TRANK1: variants seen among roughly 807,000 people sequenced by gnomAD.
TRANK1 encodes tetratricopeptide repeat and ankyrin repeat containing 1, also known as TPR and ankyrin repeat-containing protein 1.
TRANK1 carries 198 observed loss-of-function variants against 266.0 expected under a neutral mutation model. That is an observed-to-expected ratio of 0.74 (90% CI 0.66 to 0.84). The LOEUF is 0.84. Among genes scored for constraint, TRANK1 ranks in the 40% least tolerant of loss-of-function variants. TRANK1 has a pLI of 0.00. For missense variants in TRANK1, 3,326 were observed against 3,634.6 expected, an observed-to-expected ratio of 0.92 and a Z score of 2.18; for synonymous variants, 1,396 against 1,384.1, an observed-to-expected ratio of 1.01 and a Z score of -0.19.
At position 36,831,653 on chromosome 3, in the gene TRANK1, T is replaced by TTAGG; in HGVS notation, c.7926_7929dup (p.Met2644ProfsTer5). 6.2e-7 allele frequency: 1 copy of TTAGG among 1,613,900 alleles called. No homozygotes were observed. The highest frequency in any genetic ancestry group is 8.5e-7 in the Non-Finnish European group (1 of 1,179,858). ...GGGTCCCACCGCCAGTCACAGTCCA[T>TTAGG]TAGGTACTCTTCATCCCGCTCAAAG... On this transcript the variant is annotated frameshift_variant, in exon 22 of 24. Transcript: ENST00000645898. LOFTEE classifies it high-confidence loss of function. The surrounding 1 kb of genome is among the most constrained non-coding windows in gnomAD (Gnocchi z 5.0).
Position 36,913,392 on chromosome 3 carries a change from T to C in TRANK1, c.24-4938A>G, listed in dbSNP as rs545939631. Among the ~76,000 whole-genome samples the C allele has an allele frequency of 8.6e-5, 12 of 138,858 alleles. No individual in the cohort carries two copies. In the East Asian group the frequency reaches 2.2e-3, roughly 25 times the overall value. The allele number at this position is 138,858 out of a possible 152,430, so 91.1% of individuals were successfully genotyped here. A position where few individuals can be genotyped will look rare whatever the true frequency, so the allele number is the denominator to read the frequency against. Reference sequence around the variant, plus strand: ...TATCTATCTTTCTTTCTTGCCTGTTTGCTTGCTTGCTTGCTTGCTTGCTCA... The same window carrying C: ...TATCTATCTTTCTTTCTTGCCTGTTCGCTTGCTTGCTTGCTTGCTTGCTCA... On this transcript the variant is annotated intron_variant, in intron 1 of 23. Coordinates refer to ENST00000645898, the MANE Select transcript of TRANK1 (RefSeq NM_001329998.2).
chr3:36,857,370 A>T lies in TRANK1; in HGVS notation c.2352T>A (p.Ser784Arg), dbSNP rs770698800. Reference protein sequence around the residue: ...PTLGAGAPDCSEVGEGHAQVG... With the variant: ...PTLGAGAPDCREVGEGHAQVG... ...CCTGAGCATGTCCTTCCCCCACCTC[A>T]CTACAGTCAGGGGCCCCTGCACCCA... Residue 784 changes from serine to arginine, a missense_variant, in exon 13 of 24, where the codon AGT becomes AGA. Coordinates refer to ENST00000645898, the MANE Select transcript of TRANK1 (RefSeq NM_001329998.2). This position sits in a 1 kb window ranked among gnomAD's most constrained non-coding sequence, Gnocchi z 4.3. 1 of 1,608,112 alleles carries T rather than the reference A, an allele frequency of 6.2e-7. No homozygotes were observed. Among genetic ancestry groups the T allele is most frequent in the South Asian group, 1.1e-5 (1 of 89,992 alleles).
intron 1 of TRANK1, among the ~76,000 whole-genome samples, chr3:36,939,124 G>C (rs963534446): frequency 6.6e-6 from 1 of 151,506 alleles, no homozygotes; most frequent in Admixed American, 6.6e-5. Flanking sequence ...GCAACAGAGC[G>C]AAACCCTGTC....
intron 13 of TRANK1, among the ~76,000 whole-genome samples, chr3:36,853,432 A>G (rs1366798863): frequency 6.6e-6 from 1 of 152,214 alleles, no homozygotes; most frequent in Admixed American, 6.5e-5. Context: ...ACTATCCAAT[A>G]CTGTTGTTAT....
At chr3:36,852,472 C>A (rs1023552216) in intron 13 of TRANK1, 127 bp from the exon 14 acceptor site, 2 of 859,394 alleles carry the variant, frequency 2.3e-6, no homozygotes, top group African/African-American at 3.4e-5. Context: ...TAATTGCAAG[C>A]CCGTTTTCAG....
At position 36,839,418 on chromosome 3, in the gene TRANK1, C is replaced by G. The variant is rs186892004; in HGVS notation, c.5281-702G>C. Among the ~76,000 whole-genome samples, 8 of 152,322 alleles carry G rather than the reference C, an allele frequency of 5.3e-5. No individual in the cohort carries two copies. The East Asian group carries it at 1.5e-3, about 29-fold the overall frequency. On this transcript the variant is annotated intron_variant, in intron 18 of 23. Transcript: ENST00000645898. ...TGCCCAGCATGTACACATTAGGTCT[C>G]AGTGTGGGCAAGGGAGGGACTAAGT...
intron 9 of TRANK1, among the ~76,000 whole-genome samples, chr3:36,870,068 C>T (rs1353105282): frequency 1.3e-5 from 2 of 152,202 alleles, no homozygotes; most frequent in Non-Finnish European, 2.9e-5. Context: ...ATTCAAAGAT[C>T]ATCACCTATA....
chr3:36,828,766 C>A (rs2078659038), intron 23 of TRANK1, among the ~76,000 whole-genome samples: 2 of 152,142 alleles, frequency 1.3e-5, no homozygotes, highest in African/African-American at 2.4e-5. Context: ...ATAAACTCAA[C>A]CATACACTTG....
rs1448610382 is a variant in TRANK1, at chr3:36,874,240, C to A, written c.964G>T (p.Asp322Tyr). Residue 322 changes from aspartate (D) to tyrosine (Y), a missense_variant, in exon 9 of 24, where the codon GAT becomes TAT. Asp to Tyr is a radical substitution (Grantham distance 160). Transcript: ENST00000645898. ...LRFGADPTLL[D>Y]RQSRSVVDVL... The stretch of plus-strand genomic sequence containing the variant: ...TCCACAACAGACCGAGACTGTCGAT[C>A]CAGCAAAGTGGGATCTGCCCCAAAG... The A allele has an allele frequency of 6.5e-7, 1 of 1,537,186 alleles. No individual in the cohort carries two copies.
chr3:36,855,154 A>C lies in TRANK1; in HGVS notation c.4549+19T>G. 1 of 1,586,326 alleles carries C rather than the reference A, an allele frequency of 6.3e-7. No homozygotes were observed. Among genetic ancestry groups the C allele is most frequent in the Non-Finnish European group, 8.6e-7 (1 of 1,162,370 alleles). On this transcript the variant is annotated intron_variant, in intron 13 of 23. Transcript: ENST00000645898. ...GTGCCTAAGCACCCCCAGTAGGCAA[A>C]CCCAAGAGCTGGACTTACCTGAGTG...
At position 36,838,775 on chromosome 3, in the gene TRANK1, C is replaced by T. The variant is rs373157758; in HGVS notation, c.5281-59G>A. 63 of 1,512,378 alleles carry T rather than the reference C, an allele frequency of 4.2e-5. No individual in the cohort carries two copies. The Middle Eastern group carries it at 1.9e-3, about 45-fold the overall frequency. 93.7% of individuals were successfully genotyped at this position (1,512,378 alleles called of 1,614,324 possible). ...GTAATGGAGGTAACAGACAGAACAA[C>T]GGTTAAAGCATGCATTATAAGTTTG... On this transcript the variant is annotated intron_variant, in intron 18 of 23. Transcript: ENST00000645898.
Position 36,855,424 on chromosome 3 carries a change from T to C in TRANK1, c.4298A>G (p.Glu1433Gly). 6.2e-7 allele frequency: 1 copy of C among 1,613,976 alleles called. No individual in the cohort carries two copies. Among genetic ancestry groups the C allele is most frequent in the Non-Finnish European group, 8.5e-7 (1 of 1,179,880 alleles). The change falls in exon 13 of 24, where the codon GAG (glutamate) becomes GGG (glycine). Residue 1433 changes from glutamate to glycine, a missense_variant. Glu to Gly is a moderately conservative substitution (Grantham distance 98, BLOSUM62 -2). Coordinates refer to ENST00000645898, the MANE Select transcript of TRANK1 (RefSeq NM_001329998.2). ...KLRVLPWSIH[E>G]LYGDEIQDFT... ...GTCTTGAATCTCATCACCATAGAGCTCGTGGATGGACCATGGGAGCACCCT... is the reference window on the plus strand; with the variant it reads ...GTCTTGAATCTCATCACCATAGAGCCCGTGGATGGACCATGGGAGCACCCT...
chr3:36,892,426 T>C lies in TRANK1; in HGVS notation c.637-86A>G, dbSNP rs2079714213. ...ACTCCTTTACCCATAAAGTATGGAATCAGTAAAACTTGGATTAGCTGTGGT... is the reference window on the plus strand; with the variant it reads ...ACTCCTTTACCCATAAAGTATGGAACCAGTAAAACTTGGATTAGCTGTGGT... On this transcript the variant is annotated intron_variant, in intron 6 of 23. Coordinates refer to ENST00000645898, the MANE Select transcript of TRANK1 (RefSeq NM_001329998.2). 2.7e-6 allele frequency: 4 copies of C among 1,465,446 alleles called. No homozygotes were observed. In the South Asian group the frequency reaches 5.3e-5, roughly 19 times the overall value. 90.8% of individuals were successfully genotyped at this position (1,465,446 alleles called of 1,614,324 possible). A position where few individuals can be genotyped will look rare whatever the true frequency, so the allele number is the denominator to read the frequency against.
rs1297184417 is a variant in TRANK1, at chr3:36,828,119, A to G, written c.*156T>C. ...GGAGCAATCAGATCCTAAGCCACTG[A>G]AAGAGAAGTAATGAGAATAAAAAGC... On this transcript the variant is annotated 3_prime_UTR_variant, in exon 24 of 24. Coordinates refer to ENST00000645898, the MANE Select transcript of TRANK1 (RefSeq NM_001329998.2). 6 of 609,878 alleles carry G rather than the reference A, an allele frequency of 9.8e-6. No homozygotes were observed. The Admixed American group carries it at 1.7e-4, about 17-fold the overall frequency. The allele number at this position is 609,878 out of a possible 1,614,324, so 37.8% of individuals were successfully genotyped here.
rs1464054748 is a variant in TRANK1, at chr3:36,857,146, ATT to A, written c.2574_2575del (p.Lys858AsnfsTer34). Reference sequence around the variant, plus strand: ...TCCCAGCTGCTGAATGGCAAGGATGATTTTCTTCTTGATGACCTTGGTCATTA... The same window carrying A: ...TCCCAGCTGCTGAATGGCAAGGATGATTCTTCTTGATGACCTTGGTCATTA... On this transcript the variant is annotated frameshift_variant, in exon 13 of 24. Transcript: ENST00000645898. LOFTEE classifies it high-confidence loss of function. The surrounding 1 kb of genome is among the most constrained non-coding windows in gnomAD (Gnocchi z 4.3). The A allele has an allele frequency of 6.2e-7, 1 of 1,613,674 alleles. No individual in the cohort carries two copies. Among genetic ancestry groups the A allele is most frequent in the Non-Finnish European group, 8.5e-7 (1 of 1,179,858 alleles).
rs1370136538 is a variant in TRANK1 at position 36,833,668 on chromosome 3, T to G, written c.5915A>C (p.His1972Pro). The part of the protein sequence containing the change: ...REEAALLMKQ[H>P]GCLLEAARLT... ...CCTGGCAGCCTCCAGGAGGCAGCCA[T>G]GTTGCTTCATCAGCAGGGCAGCCTC... The change falls in exon 22 of 24, where the codon CAT becomes CCT. Residue 1972 changes from histidine (H) to proline (P), a missense_variant. Coordinates refer to ENST00000645898, the MANE Select transcript of TRANK1 (RefSeq NM_001329998.2). 1 of 1,613,972 alleles carries G rather than the reference T, an allele frequency of 6.2e-7. No individual in the cohort carries two copies. Among genetic ancestry groups the G allele is most frequent in the Non-Finnish European group, 8.5e-7 (1 of 1,179,864 alleles).
intron 10 of TRANK1, among the ~76,000 whole-genome samples, chr3:36,862,134 G>A (rs2079151274): frequency 6.6e-6 from 1 of 152,014 alleles, no homozygotes; most frequent in Non-Finnish European, 1.5e-5. Context: ...GTATATATAT[G>A]CAATATTTAG....
At chr3:36,887,791 C>A (rs1375796868) in intron 8 of TRANK1, among the ~76,000 whole-genome samples, 1 of 152,086 alleles carries the variant, frequency 6.6e-6, no homozygotes, top group Non-Finnish European at 1.5e-5. Flanking sequence ...TAGTTGTTTG[C>A]CAGAATATCA....
In TRANK1 at chr3:36,892,860, T is replaced by TAG. The variant is rs59910540; in HGVS notation, c.636+40_636+41insCT. ...AACAAAACAAAACAAAACATATATA[T>TAG]ATATATATATAGATATATATAGATA... is the stretch of plus-strand genomic sequence containing the variant. On this transcript the variant is annotated intron_variant, in intron 6 of 23. Transcript: ENST00000645898. The TAG allele has an allele frequency of 2.8e-3, 2,036 of 722,468 alleles. 40 individuals are homozygous for TAG. In the African/African-American group the frequency reaches 0.041, roughly 15 times the overall value. The allele number at this position is 722,468 out of a possible 1,614,324, so 44.8% of individuals were successfully genotyped here. A position where few individuals can be genotyped will look rare whatever the true frequency, so the allele number is the denominator to read the frequency against.
Sources: allele counts gnomAD v4.1 joint callset (sites outside exome capture counted in the v4.1 genomes callset), GRCh38; gene constraint gnomAD v4.1.1; non-coding constraint Gnocchi (gnomAD v3.1); transcripts MANE v1.5; gene names NCBI Gene and HGNC (gene_info 2026-07-23, HGNC 2026-07-21).